NLRP12: variants seen among roughly 807,000 people sequenced by gnomAD.
NLRP12 encodes NLR family pyrin domain containing 12.
A neutral mutation model predicts 91.2 loss-of-function variants in NLRP12; 108 were observed. The ratio of observed to expected loss-of-function variants is 1.18; its 90% CI spans 1.01 to 1.39. The LOEUF is 1.39. Among genes scored for constraint, NLRP12 ranks in the 40% most tolerant of loss-of-function variants. NLRP12 has a pLI of 0.00. For synonymous variants in NLRP12, 613 were observed against 566.7 expected (o/e 1.08, Z -1.16); for missense variants, 1,530 against 1,352.7 (o/e 1.13, Z -2.06).
At chr19:53,819,684 C>CGT (rs1568696863) in intron 1 of NLRP12, among the ~76,000 whole-genome samples, 20,475 of 57,270 alleles carry the variant, frequency 0.36, 7,613 homozygotes, top group African/African-American at 0.44. Context: ...TGTATGTATA[C>CGT]ATATATATAC....
rs565319475 is a variant in NLRP12 at position 53,823,224 on chromosome 19, T to C, written c.289+662A>G. On this transcript the variant is annotated intron_variant, in intron 1 of 9. Coordinates refer to ENST00000324134, the MANE Select transcript of NLRP12 (RefSeq NM_144687.4). ...TATGTATTTTAAATATTTATTTTAATAATATATGTATTAAATATTTAATAT... is the reference window on the plus strand; with the variant it reads ...TATGTATTTTAAATATTTATTTTAACAATATATGTATTAAATATTTAATAT... Among the ~76,000 whole-genome samples, 494 of 142,986 alleles carry C rather than the reference T, an allele frequency of 3.5e-3. 2 individuals carry two copies. Among genetic ancestry groups the C allele is most frequent in the Non-Finnish European group, 5.4e-3 (358 of 66,148 alleles). The allele number at this position is 142,986 out of a possible 152,430, so 93.8% of individuals were successfully genotyped here.
At chr19:53,812,549 T>C (rs2092093122) in intron 2 of NLRP12, among the ~76,000 whole-genome samples, 1 of 151,976 alleles carries the variant, frequency 6.6e-6, no homozygotes, top group East Asian at 1.9e-4. Context: ...ACATAGTGGA[T>C]AGAGGCCAGA....
chr19:53,805,078 T>A (rs778501057), intron 5 of NLRP12, among the ~76,000 whole-genome samples: 1 of 152,030 alleles, frequency 6.6e-6, no homozygotes, highest in Non-Finnish European at 1.5e-5. Context: ...CTCTTCATCA[T>A]GTAGAATTGA....
chr19:53,795,110 G>C lies in NLRP12; in HGVS notation c.3098+749C>G, dbSNP rs10418190. ...GTGCCACCATACCTGGTGTGTGCGT[G>C]TGTGTGTGTGTGTGTGTGTGTGTGT... is the stretch of plus-strand genomic sequence containing the variant. On this transcript the variant is annotated intron_variant, in intron 9 of 9. Coordinates refer to ENST00000324134, the MANE Select transcript of NLRP12 (RefSeq NM_144687.4). Among the ~76,000 whole-genome samples, 117 of 23,736 alleles carry C rather than the reference G, an allele frequency of 4.9e-3. 1 individual carries two copies. The highest frequency in any genetic ancestry group is 0.037 in the South Asian group (21 of 574). The allele number at this position is 23,736 out of a possible 152,430, so 15.6% of individuals were successfully genotyped here.
chr19:53,795,560 G>A (rs555270253), intron 9 of NLRP12, among the ~76,000 whole-genome samples: 1 of 150,182 alleles, frequency 6.7e-6, no homozygotes, highest in Admixed American at 6.7e-5. Context: ...GTTTTTATTA[G>A]AGACGGGGTT....
At chr19:53,814,620 G>C (rs535671220) in intron 2 of NLRP12, among the ~76,000 whole-genome samples, 1 of 152,264 alleles carries the variant, frequency 6.6e-6, no homozygotes, top group African/African-American at 2.4e-5. Context: ...CAAAGTGCTG[G>C]GATTACAGGC....
intron 1 of NLRP12, among the ~76,000 whole-genome samples, chr19:53,818,992 C>T (rs1165530670): frequency 2.0e-5 from 3 of 152,150 alleles, no homozygotes; most frequent in East Asian, 1.9e-4. Context: ...AAGAGCAAAG[C>T]TAGACATCTG....
At chr19:53,815,020 A>T in intron 1 of NLRP12, 32 bp from the exon 2 acceptor site, 1 of 1,523,552 alleles carries the variant, frequency 6.6e-7, no homozygotes, top group Non-Finnish European at 9.1e-7. Context: ...ATGAGCTAGC[A>T]CGCATCTGGC....
chr19:53,811,001 C>G lies in NLRP12; in HGVS notation c.658G>C (p.Gly220Arg). The change falls in exon 3 of 10, where the codon GGG becomes CGG. Residue 220 changes from glycine (G) to arginine (R), a missense_variant. Gly to Arg is a moderately radical substitution (Grantham distance 125). Coordinates refer to ENST00000324134, the MANE Select transcript of NLRP12 (RefSeq NM_144687.4). ...TGTGCCAGCATGGACTTGCCTATCC[C>G]TGCCGCGCCTTGCATGACCACGGTG... Reference protein sequence around the residue: ...PRTVVMQGAAGIGKSMLAHKV... With the variant: ...PRTVVMQGAARIGKSMLAHKV... The G allele has an allele frequency of 6.2e-7, 1 of 1,614,010 alleles. No individual in the cohort carries two copies. The highest frequency in any genetic ancestry group is 8.5e-7 in the Non-Finnish European group (1 of 1,179,884).
In NLRP12 at chr19:53,804,173, G is replaced by A. The variant is rs117238395; in HGVS notation, c.2415-51C>T. The A allele has an allele frequency of 7.8e-5, 123 of 1,579,430 alleles. 2 individuals are homozygous for A. The East Asian group carries it at 2.5e-3, about 32-fold the overall frequency. On this transcript the variant is annotated intron_variant, in intron 5 of 9. Coordinates refer to ENST00000324134, the MANE Select transcript of NLRP12 (RefSeq NM_144687.4). ...GGACGCCATCTTGCTTTTCTATGTC[G>A]TGATCACTCATGCTCCAGCCTGTTA...
At chr19:53,812,324 G>A (rs982892998) in intron 2 of NLRP12, among the ~76,000 whole-genome samples, 1 of 150,884 alleles carries the variant, frequency 6.6e-6, no homozygotes, top group Non-Finnish European at 1.5e-5. Flanking sequence ...TGTTAGAAAT[G>A]CAGTCCCTGG....
Position 53,796,035 on chromosome 19 carries a change from G to A in NLRP12, c.2928-6C>T, listed in dbSNP as rs1308808624. The A allele has an allele frequency of 5.6e-6, 9 of 1,613,862 alleles. No individual in the cohort carries two copies. The highest frequency in any genetic ancestry group is 7.6e-6 in the Non-Finnish European group (9 of 1,179,872). On this transcript the variant is annotated splice_polypyrimidine_tract_variant and splice_region_variant and intron_variant, in intron 8 of 9. Coordinates refer to ENST00000324134, the MANE Select transcript of NLRP12 (RefSeq NM_144687.4). ...TGAGGCCACAGCTATCCAGCCTGGT[G>A]AAGATAAGGAGTTGGTTAAGGTAAC...
intron 7 of NLRP12, among the ~76,000 whole-genome samples, chr19:53,799,045 C>T (rs1481457357): frequency 7.3e-5 from 9 of 123,198 alleles, no homozygotes; most frequent in African/African-American, 2.9e-4. Flanking sequence ...CAGAGTCTTG[C>T]AATGTCGCCC....
intron 1 of NLRP12, among the ~76,000 whole-genome samples, chr19:53,823,073 A>C (rs1252392574): frequency 6.6e-6 from 1 of 151,682 alleles, no homozygotes; most frequent in African/African-American, 2.4e-5. Context: ...TGGCTACCTC[A>C]TCTCTTAAAA....
chr19:53,805,210 G>A, intron 5 of NLRP12, 70 bp downstream of exon 5: 1 of 1,488,498 alleles, frequency 6.7e-7, no homozygotes. Flanking sequence ...GGGATTACCA[G>A]CATTTTGTGA....
At chr19:53,797,637 G>A (rs1328555696) in intron 8 of NLRP12, among the ~76,000 whole-genome samples, 1 of 151,068 alleles carries the variant, frequency 6.6e-6, no homozygotes, top group Non-Finnish European at 1.5e-5. Context: ...GGCTGGTCTC[G>A]AACTCCTGAC....
At position 53,804,195 on chromosome 19, in the gene NLRP12, GTTATT is replaced by G. The variant is rs1568666472; in HGVS notation, c.2415-78_2415-74del. The G allele has an allele frequency of 1.3e-5, 19 of 1,515,152 alleles. 1 individual carries two copies. Among genetic ancestry groups the G allele is most frequent in the East Asian group, 2.3e-5 (1 of 42,700 alleles). 93.9% of individuals were successfully genotyped at this position (1,515,152 alleles called of 1,614,324 possible). ...GTCGTGATCACTCATGCTCCAGCCT[GTTATT>G]TTATTATTTAGGAACAGGTTGTTGC... On this transcript the variant is annotated intron_variant, in intron 5 of 9. Coordinates refer to ENST00000324134, the MANE Select transcript of NLRP12 (RefSeq NM_144687.4).
chr19:53,823,134 C>CACACACATATATATACACATATATACAT lies in NLRP12; in HGVS notation c.289+751_289+752insATGTATATATGTGTATATATATGTGTGT, dbSNP rs1419795544. Among the ~76,000 whole-genome samples, 672 of 149,312 alleles carry CACACACATATATATACACATATATACAT rather than the reference C, an allele frequency of 4.5e-3. 9 individuals carry two copies. Among genetic ancestry groups the CACACACATATATATACACATATATACAT allele is most frequent in the African/African-American group, 0.015 (590 of 40,574 alleles). On this transcript the variant is annotated intron_variant, in intron 1 of 9. Coordinates refer to ENST00000324134, the MANE Select transcript of NLRP12 (RefSeq NM_144687.4). ...ACACATATATATACACATATATACA[C>CACACACATATATATACACATATATACAT]ATATATATACGTGTGTGTATATATA...
chr19:53,818,501 A>C (rs2092196518), intron 1 of NLRP12, among the ~76,000 whole-genome samples: 1 of 151,664 alleles, frequency 6.6e-6, no homozygotes, highest in Non-Finnish European at 1.5e-5. Context: ...CCCCATCTCT[A>C]CTATAAATAC....
Sources: gnomAD v4.1 joint callset for allele counts (sites outside exome capture counted in the v4.1 genomes callset) on GRCh38, gnomAD v4.1.1 for gene constraint, MANE v1.5 for transcripts, NCBI Gene and HGNC (gene_info 2026-07-23, HGNC 2026-07-21) for gene names.